Variants in RGS7 observed in about 807,000 individuals in gnomAD.
RGS7 encodes regulator of G protein signaling 7, also known as regulator of G-protein signaling 7.
Under a neutral mutation model 81.1 loss-of-function variants are expected in RGS7, and 27 were observed. The ratio of observed to expected loss-of-function variants is 0.33; its 90% confidence interval spans 0.25 to 0.46. RGS7 has a LOEUF of 0.46. Among genes scored for constraint, RGS7 ranks in the 20% least tolerant of loss-of-function variants. RGS7 has a pLI of 1.00. For synonymous variants in RGS7, 208 were observed against 207.7 expected (o/e 1.00, Z -0.01); for missense variants, 396 against 607.4 (o/e 0.65, Z 3.66).
At chr1:241,019,341 A>C (rs1445617560) in intron 3 of RGS7, among the ~76,000 whole-genome samples, 1 of 151,378 alleles carries the variant, frequency 6.6e-6, no homozygotes, top group Non-Finnish European at 1.5e-5. Context: ...GAAGAATTAT[A>C]ACTTTATTTT....
At chr1:240,965,285 A>G (rs902782642) in intron 4 of RGS7, among the ~76,000 whole-genome samples, 4 of 152,182 alleles carry the variant, frequency 2.6e-5, no homozygotes, top group African/African-American at 9.7e-5. Context: ...CATAATTTGT[A>G]TGATAGAGTC....
chr1:240,989,332 C>T (rs973918866), intron 3 of RGS7, among the ~76,000 whole-genome samples: 7 of 151,498 alleles, frequency 4.6e-5, no homozygotes, highest in African/African-American at 1.7e-4. Context: ...CCCAGCTACT[C>T]GGGAGGCTGA....
chr1:241,092,048 T>A (rs2063919885), intron 3 of RGS7, among the ~76,000 whole-genome samples: 1 of 152,226 alleles, frequency 6.6e-6, no homozygotes, highest in African/African-American at 2.4e-5. Context: ...CTAAAATTTA[T>A]AAAGCACCCA....
intron 3 of RGS7, among the ~76,000 whole-genome samples, chr1:241,043,163 G>A (rs1036606408): frequency 6.6e-6 from 1 of 151,904 alleles, no homozygotes; most frequent in Admixed American, 6.6e-5. Flanking sequence ...GTTCAGTAGG[G>A]TATATCTGAT....
At chr1:240,967,039 A>T (rs1054379427) in intron 4 of RGS7, among the ~76,000 whole-genome samples, 1 of 152,204 alleles carries the variant, frequency 6.6e-6, no homozygotes, top group Non-Finnish European at 1.5e-5. Context: ...TATGTGGCTC[A>T]GACTTCGGGA....
At chr1:241,023,824 C>T (rs1251256922) in intron 3 of RGS7, among the ~76,000 whole-genome samples, 1 of 152,222 alleles carries the variant, frequency 6.6e-6, no homozygotes, top group South Asian at 2.1e-4. Flanking sequence ...TGGCTCACTG[C>T]AACCTCAGCC....
chr1:241,032,001 T>C (rs984739958), intron 3 of RGS7, among the ~76,000 whole-genome samples: 3 of 152,266 alleles, frequency 2.0e-5, no homozygotes, highest in Non-Finnish European at 4.4e-5. Context: ...TTGTCCAAAA[T>C]AGTTTTTGTT....
chr1:240,809,288 G>A (rs148832100), intron 14 of RGS7, among the ~76,000 whole-genome samples: 1 of 152,228 alleles, frequency 6.6e-6, no homozygotes, highest in African/African-American at 2.4e-5. Flanking sequence ...GAGAAACAGT[G>A]CTTCTTATTT....
intron 2 of RGS7, among the ~76,000 whole-genome samples, chr1:241,262,081 C>T (rs368006981): frequency 1.5e-4 from 23 of 152,032 alleles, no homozygotes; most frequent in African/African-American, 4.8e-4. Flanking sequence ...TCCTCAAAGT[C>T]TCAATTTCAG....
rs527531378 is a variant in RGS7 at position 240,869,993 on chromosome 1, G to A, written c.450+62C>T. 3.1e-6 allele frequency: 4 copies of A among 1,297,270 alleles called. No homozygotes were observed. The East Asian group carries it at 9.2e-5, about 30-fold the overall frequency. 80.4% of individuals were successfully genotyped at this position (1,297,270 alleles called of 1,614,324 possible). On this transcript the variant is annotated intron_variant, in intron 7 of 18. Transcript: ENST00000440928. ...AGAGTTAACATCCTGCCCAGAAAAG[G>A]CTGTGGGCCTTACTGCTGTGCATTC...
At chr1:241,190,086 G>A (rs1255220828) in intron 2 of RGS7, among the ~76,000 whole-genome samples, 1 of 151,034 alleles carries the variant, frequency 6.6e-6, no homozygotes, top group Non-Finnish European at 1.5e-5. Flanking sequence ...CTGGGCGACA[G>A]AGCAGACTCC....
At chr1:241,013,849 C>T (rs922127083) in intron 3 of RGS7, among the ~76,000 whole-genome samples, 5 of 152,192 alleles carry the variant, frequency 3.3e-5, no homozygotes, top group South Asian at 4.1e-4. Flanking sequence ...ATATCATGTT[C>T]GTAAAAGACA....
chr1:240,936,757 CT>C, intron 4 of RGS7, 51 bp from the exon 5 acceptor site: 2 of 1,351,022 alleles, frequency 1.5e-6, no homozygotes, highest in Non-Finnish European at 2.1e-6. Flanking sequence ...TAAATGTATT[CT>C]TTTATAGGAA....
chr1:240,816,874 T>C (rs1690888495), intron 10 of RGS7, among the ~76,000 whole-genome samples: 1 of 152,200 alleles, frequency 6.6e-6, no homozygotes, highest in African/African-American at 2.4e-5. Context: ...AAGTCAAGAA[T>C]TCTATTGCTG....
intron 2 of RGS7, among the ~76,000 whole-genome samples, chr1:241,273,716 G>T (rs138856090): frequency 6.6e-6 from 1 of 152,264 alleles, no homozygotes. Context: ...GGCCTAAAGT[G>T]CCTCAAAGGG....
intron 2 of RGS7, among the ~76,000 whole-genome samples, chr1:241,233,648 C>G (rs1419460243): frequency 6.6e-6 from 1 of 152,174 alleles, no homozygotes; most frequent in East Asian, 1.9e-4. Flanking sequence ...TTGATGAACA[C>G]TTAGATTGAC....
At chr1:240,977,091 T>TACAC (rs60732630) in intron 4 of RGS7, among the ~76,000 whole-genome samples, 4,813 of 133,750 alleles carry the variant, frequency 0.036, 99 homozygotes, top group African/African-American at 0.041. Context: ...TATCCATCTG[T>TACAC]ACACACACAC....
At chr1:241,249,924 T>A (rs958551184) in intron 2 of RGS7, among the ~76,000 whole-genome samples, 1 of 151,910 alleles carries the variant, frequency 6.6e-6, no homozygotes, top group African/African-American at 2.4e-5. Flanking sequence ...CTCATAAACA[T>A]AACAGTTACA....
intron 10 of RGS7, among the ~76,000 whole-genome samples, chr1:240,822,044 T>G (rs1215987678): frequency 6.6e-6 from 1 of 152,212 alleles, no homozygotes; most frequent in Admixed American, 6.5e-5. Flanking sequence ...CAAACATTAC[T>G]GTGGATGTTT....
Sources: allele counts gnomAD v4.1 joint callset (sites outside exome capture counted in the v4.1 genomes callset), GRCh38; gene constraint gnomAD v4.1.1; transcripts MANE v1.5; gene names NCBI Gene and HGNC (gene_info 2026-07-23, HGNC 2026-07-21).